Variants in MKNK1 observed in about 807,000 individuals in gnomAD.
MKNK1 encodes MAPK interacting serine/threonine kinase 1.
In MKNK1, 30 loss-of-function variants were observed where a neutral mutation model predicts 49.3. The observed-to-expected ratio is 0.61, with a 90% CI of 0.46 to 0.83. The LOEUF (loss-of-function observed/expected upper bound fraction) is 0.83, where lower values mean the gene tolerates loss of function less well. MKNK1 is among the 40% of genes least tolerant of loss of function. MKNK1 has a pLI of 0.00. For missense variants in MKNK1, 423 were observed against 524.7 expected (o/e 0.81, Z 1.89); for synonymous variants, 176 against 201.7 (o/e 0.87, Z 1.08).
chr1:46,568,266 G>T (rs1024152798), intron 8 of MKNK1, 177 bp downstream of exon 8: 6 of 619,374 alleles, frequency 9.7e-6, no homozygotes, highest in Admixed American at 3.2e-5. Flanking sequence ...CAAGAGCGAA[G>T]AAAGGACGAG....
rs1177980967 is a variant in MKNK1 at position 46,580,750 on chromosome 1, C to T, written c.101-123G>A. 3.6e-5 allele frequency: 23 copies of T among 643,146 alleles called. No homozygotes were observed. In the South Asian group the frequency reaches 4.3e-4, roughly 12 times the overall value. The allele number at this position is 643,146 out of a possible 1,614,324, so 39.8% of individuals were successfully genotyped here. On this transcript the variant is annotated intron_variant, in intron 3 of 12. Coordinates refer to ENST00000371945, the MANE Select transcript of MKNK1 (RefSeq NM_001135553.4). ...ACACAGGCACCCAATGACTCTAGCA[C>T]TCAGTGACAAGGAAGACAAGTAGCT...
intron 2 of MKNK1, among the ~76,000 whole-genome samples, chr1:46,583,959 G>T (rs1672134292): frequency 6.6e-6 from 1 of 152,208 alleles, no homozygotes; most frequent in African/African-American, 2.4e-5. Context: ...CATCGGAAGG[G>T]CTGCAGGTAG....
At chr1:46,572,373 C>T (rs985151049) in intron 6 of MKNK1, 8 of 414,592 alleles carry the variant, frequency 1.9e-5, no homozygotes, top group African/African-American at 1.4e-4. Context: ...CCACCATGTC[C>T]AGCTAATTTT....
intron 1 of MKNK1, among the ~76,000 whole-genome samples, chr1:46,594,658 T>C (rs1332294042): frequency 6.6e-6 from 1 of 152,172 alleles, no homozygotes; most frequent in Admixed American, 6.5e-5. Context: ...ACCTGGATGA[T>C]AGAGATAAGA....
At chr1:46,573,086 T>C (rs1407592726) in intron 6 of MKNK1, among the ~76,000 whole-genome samples, 1 of 152,256 alleles carries the variant, frequency 6.6e-6, no homozygotes, top group Admixed American at 6.5e-5. Context: ...AAATGGGTAG[T>C]ACACTTATTC....
At chr1:46,578,991 TG>T (rs1399888490) in intron 4 of MKNK1, among the ~76,000 whole-genome samples, 2 of 152,228 alleles carry the variant, frequency 1.3e-5, no homozygotes, top group East Asian at 3.9e-4. Context: ...TGACCTCAGG[TG>T]ATCAGCCCGC....
At chr1:46,560,179 A>G (rs530194788) in intron 12 of MKNK1, 55 bp downstream of exon 12, 225 of 1,599,938 alleles carry the variant, frequency 1.4e-4, no homozygotes, top group Middle Eastern at 1.3e-3. Flanking sequence ...CCCCACCCCC[A>G]TGGTGGCTGA....
intron 12 of MKNK1, chr1:46,559,612 C>T (rs1667575393): frequency 6.5e-6 from 1 of 154,722 alleles, no homozygotes; most frequent in Non-Finnish European, 1.4e-5. Context: ...ATAATTATAT[C>T]CAGCCCTTAG....
At chr1:46,600,774 A>C (rs748743768) in intron 1 of MKNK1, among the ~76,000 whole-genome samples, 1 of 152,274 alleles carries the variant, frequency 6.6e-6, no homozygotes, top group Non-Finnish European at 1.5e-5. Context: ...CACAGAGTTA[A>C]AAACACTTTT....
At chr1:46,586,188 G>A in intron 2 of MKNK1, 1 of 322,850 alleles carries the variant, frequency 3.1e-6, no homozygotes, top group South Asian at 2.5e-5. Flanking sequence ...GATAAATGCT[G>A]CCTCAGGGAG....
intron 4 of MKNK1, among the ~76,000 whole-genome samples, chr1:46,577,948 G>A (rs1426041407): frequency 1.3e-5 from 2 of 152,196 alleles, no homozygotes; most frequent in Non-Finnish European, 2.9e-5. Flanking sequence ...AAACTTCTCC[G>A]ATATGATGTG....
In MKNK1 at chr1:46,588,881, T is replaced by C. The variant is rs564746384; in HGVS notation, c.-3+5232A>G. 4.6e-5 allele frequency among the ~76,000 whole-genome samples: 7 copies of C among 152,190 alleles called. No homozygotes were observed. The South Asian group carries it at 8.3e-4, about 18-fold the overall frequency. The stretch of plus-strand genomic sequence containing the variant: ...AACAAATGAAAAAATGTGCTGAACA[T>C]TGGAGCCTGAGAGCTATGGCTCTCC... On this transcript the variant is annotated intron_variant, in intron 2 of 12. Transcript: ENST00000371945.
chr1:46,587,637 G>C (rs894770063), intron 2 of MKNK1, among the ~76,000 whole-genome samples: 3 of 152,064 alleles, frequency 2.0e-5, no homozygotes, highest in Admixed American at 1.3e-4. Context: ...GACCAACATG[G>C]AGAAACCTCG....
chr1:46,578,525 T>C (rs538654765), intron 4 of MKNK1, among the ~76,000 whole-genome samples: 5 of 152,272 alleles, frequency 3.3e-5, no homozygotes, highest in Non-Finnish European at 5.9e-5. Context: ...CATAAATGTA[T>C]TGAAACCTTT....
At chr1:46,567,276 C>T (rs528237095) in intron 8 of MKNK1, among the ~76,000 whole-genome samples, 19 of 152,264 alleles carry the variant, frequency 1.2e-4, no homozygotes, top group South Asian at 4.1e-4. Context: ...CCTTTCCTCA[C>T]GTTCTTGTTA....
Position 46,562,799 on chromosome 1 carries a change from G to C in MKNK1, c.654C>G (p.Phe218Leu). Residue 218 changes from phenylalanine (F) to leucine (L), a missense_variant, in exon 10 of 13, where the codon TTC (phenylalanine) becomes TTG (leucine). By Grantham distance (22) the Phe-to-Leu change is conservative (BLOSUM62 0). Transcript: ENST00000371945. ...TGTCGTAGAATGTGGCCTGGTCCGTGAAGACCTCCACTACCTCAGGGGCCA... is the reference window on the plus strand; with the variant it reads ...TGTCGTAGAATGTGGCCTGGTCCGTCAAGACCTCCACTACCTCAGGGGCCA... Reference protein sequence around the residue: ...EYMAPEVVEVFTDQATFYDKR... With the variant: ...EYMAPEVVEVLTDQATFYDKR... 1 of 1,613,022 alleles carries C rather than the reference G, an allele frequency of 6.2e-7. No homozygotes were observed. The highest frequency in any genetic ancestry group is 8.5e-7 in the Non-Finnish European group (1 of 1,179,572).
At chr1:46,598,964 A>G (rs1028096400) in intron 1 of MKNK1, among the ~76,000 whole-genome samples, 5 of 152,206 alleles carry the variant, frequency 3.3e-5, no homozygotes, top group African/African-American at 9.7e-5. Context: ...AATGGGGGCA[A>G]TTACACCCAC....
intron 7 of MKNK1, chr1:46,569,064 AGACCGCTTT>A (rs1294592767): frequency 6.6e-6 from 1 of 152,444 alleles, no homozygotes; most frequent in Non-Finnish European, 1.5e-5. Flanking sequence ...AGCAGAGCAA[AGACCGCTTT>A]GGCACCAGGA....
chr1:46,564,064 AAG>A (rs1491540353), intron 9 of MKNK1, among the ~76,000 whole-genome samples: 2 of 149,266 alleles, frequency 1.3e-5, no homozygotes, highest in African/African-American at 4.9e-5. Context: ...AAAAAAAAAA[AAG>A]GGTTATTAGG....
Sources: gnomAD v4.1 joint callset for allele counts (sites outside exome capture counted in the v4.1 genomes callset) on GRCh38, gnomAD v4.1.1 for gene constraint, MANE v1.5 for transcripts, NCBI Gene and HGNC (gene_info 2026-07-23, HGNC 2026-07-21) for gene names.